Variants in PLA2G4E observed in about 807,000 individuals in gnomAD.
PLA2G4E encodes cytosolic phospholipase A2 epsilon.
In PLA2G4E, 84 loss-of-function variants were observed where a neutral mutation model predicts 109.1. The observed-to-expected ratio is 0.77, with a 90% CI of 0.65 to 0.92. PLA2G4E has a LOEUF of 0.92. Ranked by LOEUF, PLA2G4E falls within the 40% of genes least tolerant of loss-of-function variation. The pLI, the probability that PLA2G4E is intolerant of heterozygous loss-of-function variation, is 0.00. For missense variants in PLA2G4E, 1,057 were observed against 1,076.6 expected, an observed-to-expected ratio of 0.98 and a Z score of 0.25; for synonymous variants, 469 against 436.1, an observed-to-expected ratio of 1.08 and a Z score of -0.94.
chr15:41,997,333 T>C, intron 10 of PLA2G4E, 74 bp from the exon 11 acceptor site: 3 of 1,394,710 alleles, frequency 2.2e-6, no homozygotes, highest in East Asian at 2.8e-5. Flanking sequence ...TCAGGGTCCA[T>C]TGGACCTAGG....
intron 2 of PLA2G4E, chr15:42,009,049 T>C (rs2068505846): frequency 6.6e-6 from 1 of 152,186 alleles, no homozygotes; most frequent in South Asian, 2.1e-4. Flanking sequence ...TGAAGTCTGG[T>C]TAATCTTTGA....
At position 41,985,944 on chromosome 15, in the gene PLA2G4E, C is replaced by T. The variant is rs1232694948; in HGVS notation, c.2097G>A (p.Leu699=). ...TGGAGTTGACAAAGAACGCAGTGTC[C>T]AGCAGGCACAGGTGGTTCGCGGACT... is the stretch of plus-strand genomic sequence containing the variant. Residue 699 remains leucine, a synonymous_variant, in exon 18 of 20, where the codon CTG becomes CTA. Coordinates refer to ENST00000399518, the Ensembl canonical transcript of PLA2G4E. 7 of 1,605,952 alleles carry T rather than the reference C, an allele frequency of 4.4e-6. No individual in the cohort carries two copies. The Admixed American group carries it at 5.1e-5, about 12-fold the overall frequency.
At chr15:42,020,716 C>A (rs1464339218) in intron 1 of PLA2G4E, among the ~76,000 whole-genome samples, 1 of 152,120 alleles carries the variant, frequency 6.6e-6, no homozygotes, top group Non-Finnish European at 1.5e-5. Flanking sequence ...CTCAGCAGGG[C>A]CACCCAAGCA....
chr15:42,003,041 G>A (rs1433148954), intron 5 of PLA2G4E, among the ~76,000 whole-genome samples: 4 of 152,228 alleles, frequency 2.6e-5, no homozygotes, highest in Admixed American at 6.5e-5. Context: ...GCCAGCTAGA[G>A]CAGACATAAA....
At chr15:41,995,567 C>T (rs1394001846) in intron 11 of PLA2G4E, 71 bp from the exon 12 acceptor site, 22 of 1,580,354 alleles carry the variant, frequency 1.4e-5, no homozygotes, top group African/African-American at 2.7e-5. Flanking sequence ...CTTAGAATGA[C>T]GGCAACTTTG....
At chr15:42,011,094 C>G (rs1043731101) in intron 2 of PLA2G4E, among the ~76,000 whole-genome samples, 1 of 152,144 alleles carries the variant, frequency 6.6e-6, no homozygotes, top group Non-Finnish European at 1.5e-5. Flanking sequence ...GTTGGCACCC[C>G]GAGATGCCAC....
Position 42,050,625 on chromosome 15 carries a change from C to T in PLA2G4E, c.79G>A (p.Glu27Lys), listed in dbSNP as rs1356088042. 2.6e-6 allele frequency: 4 copies of T among 1,550,636 alleles called. No homozygotes were observed. In the East Asian group the frequency reaches 7.3e-5, roughly 28 times the overall value. ...AAACTTCTTCCTGACCTGCTGCCTT[C>T]TTCATCCGTTTGTGGGCTCTGTGGG... Residue 27 changes from glutamate (E) to lysine (K), a missense_variant, in exon 1 of 20, where the codon GAA (glutamate) becomes AAA (lysine). By Grantham distance (56) the Glu-to-Lys change is moderately conservative. Coordinates refer to ENST00000399518, the Ensembl canonical transcript of PLA2G4E.
At chr15:42,038,412 T>C (rs554785918) in intron 1 of PLA2G4E, among the ~76,000 whole-genome samples, 3 of 152,344 alleles carry the variant, frequency 2.0e-5, no homozygotes, top group Admixed American at 6.5e-5. Flanking sequence ...CCTGAACTTG[T>C]TTTCCTGCAA....
At chr15:42,027,930 A>G (rs1223728720) in intron 1 of PLA2G4E, among the ~76,000 whole-genome samples, 3 of 135,110 alleles carry the variant, frequency 2.2e-5, no homozygotes. Context: ...ATAATTCATC[A>G]TATGCTCACT....
chr15:41,997,352 C>T, intron 10 of PLA2G4E, 93 bp from the exon 11 acceptor site: 1 of 1,342,174 alleles, frequency 7.5e-7, no homozygotes, highest in Non-Finnish European at 9.7e-7. Context: ...GGCTCAAAGC[C>T]TACTTCTGCC....
rs1444698513 is a variant in PLA2G4E at position 42,010,753 on chromosome 15, A to G, written c.257-2888T>C. Among the ~76,000 whole-genome samples the G allele has an allele frequency of 3.3e-5, 5 of 152,158 alleles. No individual in the cohort carries two copies. In the South Asian group the frequency reaches 6.2e-4, roughly 19 times the overall value. On this transcript the variant is annotated intron_variant, in intron 2 of 19. Transcript: ENST00000399518. ...TGCTGGTTTCAGTTTTAATTTCTCA[A>G]GAGAAACAAAAACTCCTGACAACTG...
At chr15:41,990,729 C>T (rs146298652) in intron 13 of PLA2G4E, among the ~76,000 whole-genome samples, 3,529 of 123,372 alleles carry the variant, frequency 0.029, 78 homozygotes, top group Middle Eastern at 0.077. Context: ...TCCCTCCCTC[C>T]CCTCCTCTTC....
chr15:41,988,785 C>A (rs1308597238), intron 15 of PLA2G4E, among the ~76,000 whole-genome samples: 1 of 152,138 alleles, frequency 6.6e-6, no homozygotes, highest in African/African-American at 2.4e-5. Context: ...GAGAGGCCAC[C>A]GTGGGCTGGG....
At chr15:42,045,937 G>C (rs1668540) in intron 1 of PLA2G4E, among the ~76,000 whole-genome samples, 29,333 of 151,908 alleles carry the variant, frequency 0.19, 3,012 homozygotes, top group South Asian at 0.33. Context: ...CACCCAGACC[G>C]CTCCACCCCA....
At chr15:42,020,959 C>T (rs1239527736) in intron 1 of PLA2G4E, among the ~76,000 whole-genome samples, 1 of 151,826 alleles carries the variant, frequency 6.6e-6, no homozygotes, top group Non-Finnish European at 1.5e-5. Flanking sequence ...TGGCCGAGGG[C>T]CTGCTGTCTT....
chr15:42,015,938 C>T (rs1052600998), intron 1 of PLA2G4E, among the ~76,000 whole-genome samples: 3 of 152,314 alleles, frequency 2.0e-5, no homozygotes, highest in Admixed American at 6.5e-5. Context: ...TGACTTGAAG[C>T]CCCTTCGCTG....
intron 1 of PLA2G4E, among the ~76,000 whole-genome samples, chr15:42,035,144 C>T (rs1889185495): frequency 6.6e-6 from 1 of 152,212 alleles, no homozygotes. Context: ...CCTTCAGGAG[C>T]CCTCTTCTCC....
exon 1 of PLA2G4E, chr15:42,050,579 T>G: frequency 6.4e-7 from 1 of 1,550,574 alleles, no homozygotes; most frequent in Non-Finnish European, 8.7e-7. Flanking sequence ...GTCCAGGTCC[T>G]GTGTATCCTC....
At chr15:42,016,523 G>C (rs1186708334) in intron 1 of PLA2G4E, among the ~76,000 whole-genome samples, 2 of 151,982 alleles carry the variant, frequency 1.3e-5, no homozygotes. Context: ...TTTTAGTAGA[G>C]ACGCAGTTTC....
Sources: gnomAD v4.1 joint callset for allele counts (sites outside exome capture counted in the v4.1 genomes callset) on GRCh38, gnomAD v4.1.1 for gene constraint, MANE v1.5 for transcripts, NCBI Gene and HGNC (gene_info 2026-07-23, HGNC 2026-07-21) for gene names.